CARS1: variants seen among roughly 807,000 people sequenced by gnomAD.
CARS1 encodes the protein cysteine--tRNA ligase, cytoplasmic.
Under a neutral mutation model 106.2 loss-of-function variants are expected in CARS1, and 48 were observed. That is an observed-to-expected ratio of 0.45 (90% CI 0.36 to 0.57). The LOEUF (loss-of-function observed/expected upper bound fraction) is 0.57, where lower values mean the gene tolerates loss of function less well. Ranked by LOEUF, CARS1 falls within the 20% of genes least tolerant of loss-of-function variation. The probability of loss-of-function intolerance (pLI) is 0.00; values close to 1 mark genes in which losing one functional copy is unlikely to be tolerated. For missense variants in CARS1, 968 were observed against 1,057.2 expected (o/e 0.92, Z 1.17); for synonymous variants, 409 against 403.4 (o/e 1.01, Z -0.17).
At chr11:3,011,333 C>T (rs980333806) in intron 18 of CARS1, among the ~76,000 whole-genome samples, 18 of 152,152 alleles carry the variant, frequency 1.2e-4, no homozygotes, top group Middle Eastern at 3.4e-3. Context: ...TGGCCAGGCG[C>T]GGTGGCTCAC....
rs116959933 is a variant in CARS1 at position 3,046,525 on chromosome 11, T to C, written c.274+1228A>G. 1.6e-4 allele frequency among the ~76,000 whole-genome samples: 24 copies of C among 152,238 alleles called. No homozygotes were observed. Among genetic ancestry groups the C allele is most frequent in the African/African-American group, 4.8e-4 (20 of 41,532 alleles). On this transcript the variant is annotated intron_variant, in intron 2 of 22. Coordinates refer to ENST00000380525, the MANE Select transcript of CARS1 (RefSeq NM_001014437.3). The surrounding 1 kb of genome is among the most constrained non-coding windows in gnomAD (Gnocchi z 5.8). ...TCTGCCCTACGCTGGGGAAGGAGTGTCTGCTGCAGAGTTATCCAGAAAACA... is the reference window on the plus strand; with the variant it reads ...TCTGCCCTACGCTGGGGAAGGAGTGCCTGCTGCAGAGTTATCCAGAAAACA...
At chr11:3,012,408 G>T in intron 17 of CARS1, 132 bp from the exon 18 acceptor site, 2 of 739,592 alleles carry the variant, frequency 2.7e-6, no homozygotes, top group South Asian at 3.3e-5. Context: ...CTACAGCTGT[G>T]ACCGGCATCC....
chr11:3,038,968 G>A lies in CARS1; in HGVS notation c.651+226C>T, dbSNP rs1473333513. 6.6e-6 allele frequency among the ~76,000 whole-genome samples: 1 copy of A among 152,178 alleles called. No individual in the cohort carries two copies. The highest frequency in any genetic ancestry group is 1.9e-4 in the East Asian group (1 of 5,194). Reference sequence around the variant, plus strand: ...TTGTTTTCCTGTAAGTGGCAGGAATGTCACCTACTCTCCACTCCACTCCAG... The same window carrying A: ...TTGTTTTCCTGTAAGTGGCAGGAATATCACCTACTCTCCACTCCACTCCAG... On this transcript the variant is annotated intron_variant, in intron 6 of 22. Transcript: ENST00000380525. This position sits in a 1 kb window ranked among gnomAD's most constrained non-coding sequence, Gnocchi z 4.0.
chr11:3,030,806 C>T lies in CARS1; in HGVS notation c.802-1363G>A, dbSNP rs1356383271. The T allele has an allele frequency of 2.0e-5, 3 of 152,242 alleles. No homozygotes were observed. The highest frequency in any genetic ancestry group is 4.4e-5 in the Non-Finnish European group (3 of 68,054). The allele number at this position is 152,242 out of a possible 1,614,324, so 9.4% of individuals were successfully genotyped here. A position where few individuals can be genotyped will look rare whatever the true frequency, so the allele number is the denominator to read the frequency against. ...GGCCAGCAAAGCGGCCCAGCTGGATCTGAAAATAGAAGCAAACGGAACCTG... is the reference window on the plus strand; with the variant it reads ...GGCCAGCAAAGCGGCCCAGCTGGATTTGAAAATAGAAGCAAACGGAACCTG... On this transcript the variant is annotated intron_variant, in intron 7 of 22. Transcript: ENST00000380525. This position sits in a 1 kb window ranked among gnomAD's most constrained non-coding sequence, Gnocchi z 5.7.
intron 1 of CARS1, among the ~76,000 whole-genome samples, chr11:3,057,022 AC>A (rs994810448): frequency 3.8e-4 from 58 of 151,910 alleles, no homozygotes; most frequent in African/African-American, 1.4e-3. Flanking sequence ...GGAGCCGGGC[AC>A]CCGTTGTCCT....
At chr11:3,007,141 G>T in intron 18 of CARS1, 182 bp from the exon 19 acceptor site, 1 of 601,950 alleles carries the variant, frequency 1.7e-6, no homozygotes, top group South Asian at 2.0e-5. Flanking sequence ...TGGGAGGGAG[G>T]GCCCAGCAGC....
Position 3,042,238 on chromosome 11 carries a change from T to G in CARS1, c.293A>C (p.Gln98Pro). Residue 98 changes from glutamine to proline, a missense_variant, in exon 3 of 23, where the codon CAG becomes CCG. By Grantham distance (76) the Gln-to-Pro change is moderately conservative. Transcript: ENST00000380525. ...CCCAGCAGGAGGGGACCACTGGGGC[T>G]GCACACGCCGGCCTTTGCCTGGGAG... ...RLQASKGRRV[Q>P]PQWSPPAGTQ... 1 of 1,612,822 alleles carries G rather than the reference T, an allele frequency of 6.2e-7. No homozygotes were observed. The highest frequency in any genetic ancestry group is 8.5e-7 in the Non-Finnish European group (1 of 1,179,964).
Position 3,003,050 on chromosome 11 carries a change from G to A in CARS1, c.2218-450C>T, listed in dbSNP as rs978497922. On this transcript the variant is annotated intron_variant, in intron 20 of 22. Coordinates refer to ENST00000380525, the MANE Select transcript of CARS1 (RefSeq NM_001014437.3). The surrounding 1 kb of genome is among the most constrained non-coding windows in gnomAD (Gnocchi z 4.8). ...CCAGGGCAGGATGGGGATGGTGGGC[G>A]GAGGGCAGCCTTGGGGGCTAGGTGA... Among the ~76,000 whole-genome samples the A allele has an allele frequency of 1.3e-5, 2 of 152,140 alleles. No individual in the cohort carries two copies. The highest frequency in any genetic ancestry group is 2.9e-5 in the Non-Finnish European group (2 of 68,020).
At chr11:3,012,722 C>T (rs1395177712) in intron 17 of CARS1, among the ~76,000 whole-genome samples, 1 of 152,172 alleles carries the variant, frequency 6.6e-6, no homozygotes, top group African/African-American at 2.4e-5. Context: ...CCGGGCCGTG[C>T]TTTCGTCTGA....
At chr11:3,042,842 C>T (rs1253121914) in intron 2 of CARS1, among the ~76,000 whole-genome samples, 3 of 152,240 alleles carry the variant, frequency 2.0e-5, no homozygotes, top group Admixed American at 2.0e-4. Flanking sequence ...CAAGCCCTGG[C>T]AGCAGAAGCC....
rs761265826 is a variant in CARS1 at position 3,020,173 on chromosome 11, G to A, written c.1266+47C>T. ...CTGGGGGCCTGAGAGTGTGGCTGGC[G>A]CCAGTGCCCCTGTCCAAGCCCCACA... On this transcript the variant is annotated intron_variant, in intron 11 of 22. Transcript: ENST00000380525. This position sits in a 1 kb window ranked among gnomAD's most constrained non-coding sequence, Gnocchi z 4.6. 26 of 1,125,176 alleles carry A rather than the reference G, an allele frequency of 2.3e-5. No individual in the cohort carries two copies. The highest frequency in any genetic ancestry group is 2.2e-4 in the Middle Eastern group (1 of 4,556). The allele number at this position is 1,125,176 out of a possible 1,614,324, so 69.7% of individuals were successfully genotyped here.
intron 18 of CARS1, 69 bp downstream of exon 18, chr11:3,012,126 G>A (rs1446971322): frequency 1.5e-5 from 21 of 1,383,766 alleles, no homozygotes; most frequent in Admixed American, 5.0e-5. Context: ...TGCCTCGGGG[G>A]AGACGCCCGG....
At position 3,022,261 on chromosome 11, in the gene CARS1, T is replaced by C. The variant is rs1331235957; in HGVS notation, c.1154-1929A>G. ...ACTGCTTAAGGTATTTTTTGGATCC[T>C]GAATTCCAGCAGGACAGCTGTTGCC... is the stretch of plus-strand genomic sequence containing the variant. On this transcript the variant is annotated intron_variant, in intron 10 of 22. Coordinates refer to ENST00000380525, the MANE Select transcript of CARS1 (RefSeq NM_001014437.3). The surrounding 1 kb of genome is among the most constrained non-coding windows in gnomAD (Gnocchi z 4.9). 6.6e-6 allele frequency among the ~76,000 whole-genome samples: 1 copy of C among 152,232 alleles called. No homozygotes were observed. Among genetic ancestry groups the C allele is most frequent in the Non-Finnish European group, 1.5e-5 (1 of 68,034 alleles).
At position 3,041,502 on chromosome 11, in the gene CARS1, C is replaced by G. The variant is rs1192222460; in HGVS notation, c.367-518G>C. 1.3e-5 allele frequency among the ~76,000 whole-genome samples: 2 copies of G among 152,276 alleles called. No individual in the cohort carries two copies. Among genetic ancestry groups the G allele is most frequent in the African/African-American group, 4.8e-5 (2 of 41,548 alleles). On this transcript the variant is annotated intron_variant, in intron 3 of 22. Transcript: ENST00000380525. This position sits in a 1 kb window ranked among gnomAD's most constrained non-coding sequence, Gnocchi z 4.9. ...GAATCGTGGTGCTGCTCTGGCACCACTCCCCAACATCCCAGCACCCTCAGA... is the reference window on the plus strand; with the variant it reads ...GAATCGTGGTGCTGCTCTGGCACCAGTCCCCAACATCCCAGCACCCTCAGA...
intron 1 of CARS1, among the ~76,000 whole-genome samples, chr11:3,055,918 G>C (rs1487066847): frequency 6.6e-6 from 1 of 152,202 alleles, no homozygotes; most frequent in Non-Finnish European, 1.5e-5. Context: ...GGGAGGCAGA[G>C]TTGGAACCCT....
chr11:3,005,519 C>G, intron 19 of CARS1, 86 bp from the exon 20 acceptor site: 1 of 1,030,296 alleles, frequency 9.7e-7, no homozygotes, highest in South Asian at 1.3e-5. Context: ...CCTGCCCTGC[C>G]CAGACCATGC....
chr11:3,006,929 A>G lies in CARS1; in HGVS notation c.2099T>C (p.Leu700Pro). ...VPEILQLSDALRDNILPELGV... is the reference protein window; with the variant it reads ...VPEILQLSDAPRDNILPELGV... ...AAGCTCGGGCAGGATGTTGTCCCGC[A>G]GGGCATCGCTGAGCTGCAGAATCTC... Residue 700 changes from leucine to proline, a missense_variant, in exon 19 of 23, where the codon CTG (leucine) becomes CCG (proline). Leu to Pro is a moderately conservative substitution (Grantham distance 98, BLOSUM62 -3). Coordinates refer to ENST00000380525, the MANE Select transcript of CARS1 (RefSeq NM_001014437.3). 6.2e-7 allele frequency: 1 copy of G among 1,614,108 alleles called. No homozygotes were observed.
rs759025527 is a variant in CARS1, at chr11:3,040,930, T to C, written c.421A>G (p.Thr141Ala). ...KKVTWYCCGP[T>A]VYDASHMGHA... Reference sequence around the variant, plus strand: ...CCCATGTGAGATGCGTCATAGACGGTTGGCCCACAGCAATACCACGTCACC... The same window carrying C: ...CCCATGTGAGATGCGTCATAGACGGCTGGCCCACAGCAATACCACGTCACC... Residue 141 changes from threonine (T) to alanine (A), a missense_variant, in exon 4 of 23, where the codon ACC (threonine) becomes GCC (alanine). By Grantham distance (58) the Thr-to-Ala change is moderately conservative. Transcript: ENST00000380525. This position sits in a 1 kb window ranked among gnomAD's most constrained non-coding sequence, Gnocchi z 5.8. 1 of 1,614,168 alleles carries C rather than the reference T, an allele frequency of 6.2e-7. No homozygotes were observed. The highest frequency in any genetic ancestry group is 1.1e-5 in the South Asian group (1 of 91,082).
chr11:3,019,009 C>A lies in CARS1; in HGVS notation c.1395+130G>T. ...CTAAATGATCAGGGTTCAGATTCCA[C>A]CCACAAGCCCCGATGAAGGTGTCAA... On this transcript the variant is annotated intron_variant, in intron 12 of 22. Coordinates refer to ENST00000380525, the MANE Select transcript of CARS1 (RefSeq NM_001014437.3). The surrounding 1 kb of genome is among the most constrained non-coding windows in gnomAD (Gnocchi z 6.2). The A allele has an allele frequency of 8.5e-7, 1 of 1,179,444 alleles. No homozygotes were observed. The highest frequency in any genetic ancestry group is 1.6e-5 in the South Asian group (1 of 63,214). The allele number at this position is 1,179,444 out of a possible 1,614,324, so 73.1% of individuals were successfully genotyped here. A position where few individuals can be genotyped will look rare whatever the true frequency, so the allele number is the denominator to read the frequency against.
Sources: allele counts gnomAD v4.1 joint callset (sites outside exome capture counted in the v4.1 genomes callset), GRCh38; gene constraint gnomAD v4.1.1; non-coding constraint Gnocchi (gnomAD v3.1); transcripts MANE v1.5; gene names NCBI Gene and HGNC (gene_info 2026-07-23, HGNC 2026-07-21).